Variants in SGCD observed in about 807,000 individuals in gnomAD.
SGCD encodes sarcoglycan delta.
Under a neutral mutation model 36.6 loss-of-function variants are expected in SGCD, and 18 were observed. That is an observed-to-expected ratio of 0.49 (90% CI 0.34 to 0.73). The LOEUF is 0.73. Among genes scored for constraint, SGCD ranks in the 30% least tolerant of loss-of-function variants. The pLI is 0.01. For synonymous variants in SGCD, 133 were observed against 130.6 expected (o/e 1.02, Z -0.12); for missense variants, 387 against 346.7 (o/e 1.12, Z -0.92).
intron 6 of SGCD, among the ~76,000 whole-genome samples, chr5:156,645,765 T>C (rs1311323277): frequency 2.6e-5 from 4 of 152,144 alleles, no homozygotes. Flanking sequence ...CTCCACTTCA[T>C]AGGGTTATTC....
chr5:155,820,385 T>C, the SGCD span, among the ~76,000 whole-genome samples: 7 of 152,192 alleles, frequency 4.6e-5, no homozygotes, highest in South Asian at 1.5e-3. Flanking sequence ...ACTGTCCGGG[T>C]GCAGTGACTC....
At chr5:156,641,339 A>C (rs568686797) in intron 6 of SGCD, among the ~76,000 whole-genome samples, 1 of 152,294 alleles carries the variant, frequency 6.6e-6, no homozygotes, top group Admixed American at 6.5e-5. Flanking sequence ...GACAAAAACT[A>C]TATCTCACAT....
chr5:156,179,177 A>T (rs1217936210), intron 3 of SGCD, among the ~76,000 whole-genome samples: 1 of 152,118 alleles, frequency 6.6e-6, no homozygotes, highest in Non-Finnish European at 1.5e-5. Flanking sequence ...AATGTTTACT[A>T]TTAACATTTT....
At chr5:156,536,481 T>C (rs17053602) in intron 4 of SGCD, among the ~76,000 whole-genome samples, 3,180 of 152,340 alleles carry the variant, frequency 0.021, 52 homozygotes, top group Admixed American at 0.04. Context: ...TGCTTGGCAC[T>C]CAATAAATGT....
At chr5:156,242,644 G>A (rs1019569097) in intron 3 of SGCD, among the ~76,000 whole-genome samples, 7 of 151,994 alleles carry the variant, frequency 4.6e-5, no homozygotes, top group African/African-American at 1.7e-4. Flanking sequence ...CTGTGTGAGT[G>A]AATCTACTTT....
At chr5:155,735,116 GA>G in the SGCD span, among the ~76,000 whole-genome samples, 1 of 152,162 alleles carries the variant, frequency 6.6e-6, no homozygotes, top group African/African-American at 2.4e-5. Context: ...ATGTGGTTCA[GA>G]AAAAGTGGCC....
chr5:156,534,419 A>G (rs910169531), intron 4 of SGCD, among the ~76,000 whole-genome samples: 2 of 152,088 alleles, frequency 1.3e-5, no homozygotes, highest in Non-Finnish European at 2.9e-5. Context: ...TGGCCTTGCC[A>G]TATCCTGATT....
At chr5:155,923,724 A>G (rs1408547919) in intron 1 of SGCD, among the ~76,000 whole-genome samples, 3 of 152,254 alleles carry the variant, frequency 2.0e-5, no homozygotes, top group Non-Finnish European at 4.4e-5. Flanking sequence ...ATATTTCTTT[A>G]CCAAGAACAC....
intron 6 of SGCD, among the ~76,000 whole-genome samples, chr5:156,614,889 C>T (rs1274284821): frequency 6.6e-6 from 1 of 152,200 alleles, no homozygotes; most frequent in East Asian, 1.9e-4. Flanking sequence ...CCACCATTCT[C>T]CTAGTCTTCA....
At chr5:155,937,090 C>A (rs527537075) in intron 1 of SGCD, among the ~76,000 whole-genome samples, 1 of 152,308 alleles carries the variant, frequency 6.6e-6, no homozygotes, top group Admixed American at 6.5e-5. Flanking sequence ...CGCAAGTCTG[C>A]AGAGATACCC....
intron 3 of SGCD, among the ~76,000 whole-genome samples, chr5:156,173,342 C>A (rs1763386729): frequency 6.6e-6 from 1 of 152,120 alleles, no homozygotes; most frequent in African/African-American, 2.4e-5. Flanking sequence ...TACTAACCTC[C>A]TTTGCAGGAT....
intron 6 of SGCD, among the ~76,000 whole-genome samples, chr5:156,633,778 G>A (rs1762722164): frequency 6.6e-6 from 1 of 152,174 alleles, no homozygotes; most frequent in South Asian, 2.1e-4. Context: ...AATTGACAAA[G>A]CGTACATGGT....
intron 7 of SGCD, among the ~76,000 whole-genome samples, chr5:156,746,482 C>A (rs1269631579): frequency 6.6e-6 from 1 of 152,156 alleles, no homozygotes; most frequent in Non-Finnish European, 1.5e-5. Context: ...AGTAGTCTTG[C>A]AGGATTAAAG....
chr5:155,885,862 C>CTTGGGA (rs1377879310), intron 1 of SGCD, among the ~76,000 whole-genome samples: 2 of 152,212 alleles, frequency 1.3e-5, no homozygotes, highest in African/African-American at 4.8e-5. Context: ...GGAAGGATCA[C>CTTGGGA]AGTGCTTTTC....
At chr5:155,768,454 C>T in the SGCD span, among the ~76,000 whole-genome samples, 2 of 152,082 alleles carry the variant, frequency 1.3e-5, no homozygotes, top group Non-Finnish European at 2.9e-5. Flanking sequence ...TTTTGAGGGG[C>T]TCAGAATCCT....
chr5:156,073,656 TC>T (rs1760665997), intron 1 of SGCD, among the ~76,000 whole-genome samples: 1 of 152,216 alleles, frequency 6.6e-6, no homozygotes, highest in Non-Finnish European at 1.5e-5. Context: ...GAAGTCCAGT[TC>T]TTGATGCTTA....
rs144157814 is a variant in SGCD, at chr5:156,501,773, C to T, written c.193-6828C>T. ...ATGGGAATAGTCACTGGTGATCCTG[C>T]GATGAGCAGGGCTTTCAGAATTCTT... On this transcript the variant is annotated intron_variant, in intron 3 of 8. Coordinates refer to ENST00000337851, the MANE Select transcript of SGCD (RefSeq NM_000337.6). Among the ~76,000 whole-genome samples the T allele has an allele frequency of 5.6e-4, 86 of 152,328 alleles. 1 individual carries two copies. The highest frequency in any genetic ancestry group is 2.0e-3 in the African/African-American group (82 of 41,580).
At chr5:156,647,334 A>C (rs1373024049) in intron 6 of SGCD, 130 bp from the exon 7 acceptor site, 2 of 576,452 alleles carry the variant, frequency 3.5e-6, no homozygotes, top group African/African-American at 3.7e-5. Flanking sequence ...CTCTAAAGCC[A>C]GTGGAAAAAT....
At chr5:156,443,433 A>G (rs1753589125) in intron 3 of SGCD, among the ~76,000 whole-genome samples, 1 of 152,190 alleles carries the variant, frequency 6.6e-6, no homozygotes, top group Admixed American at 6.6e-5. Flanking sequence ...GTGATTCTGC[A>G]GCGTTTCCAC....
Sources: allele counts gnomAD v4.1 joint callset (sites outside exome capture counted in the v4.1 genomes callset), GRCh38; gene constraint gnomAD v4.1.1; transcripts MANE v1.5; gene names NCBI Gene and HGNC (gene_info 2026-07-23, HGNC 2026-07-21).